Variants in OXSR1 observed in about 807,000 individuals in gnomAD.
OXSR1 encodes oxidative stress responsive kinase 1, also known as serine/threonine-protein kinase OSR1.
Under a neutral mutation model 79.8 loss-of-function variants are expected in OXSR1, and 24 were observed. The observed-to-expected ratio is 0.30, with a 90% CI of 0.22 to 0.42. The LOEUF (loss-of-function observed/expected upper bound fraction) is 0.42. Ranked by LOEUF, OXSR1 falls within the 10% of genes least tolerant of loss-of-function variation. The pLI is 1.00. For synonymous variants in OXSR1, 226 were observed against 209.2 expected (o/e 1.08, Z -0.69); for missense variants, 430 against 618.4 (o/e 0.70, Z 3.23).
chr3:38,218,743 G>A (rs1237772482), intron 5 of OXSR1, among the ~76,000 whole-genome samples: 7 of 151,982 alleles, frequency 4.6e-5, no homozygotes, highest in Non-Finnish European at 1.0e-4. Context: ...CATTGCTAAC[G>A]CCAGTGTCAT....
chr3:38,207,443 G>A (rs1270234382), intron 4 of OXSR1, among the ~76,000 whole-genome samples: 5 of 152,092 alleles, frequency 3.3e-5, no homozygotes, highest in Admixed American at 6.6e-5. Flanking sequence ...ACATTTCAGC[G>A]GAAGGAAGGA....
Position 38,246,237 on chromosome 3 carries a change from T to C in OXSR1, c.1257+16T>C, listed in dbSNP as rs776526677. ...AACAGCTCAGGTAAAGCCGGGGATA[T>C]GGTTTCATGGTCACTCCTTTGGATA... On this transcript the variant is annotated intron_variant, in intron 13 of 17. Transcript: ENST00000311806. The C allele has an allele frequency of 8.1e-6, 13 of 1,613,148 alleles. No individual in the cohort carries two copies. The highest frequency in any genetic ancestry group is 5.0e-5 in the Admixed American group (3 of 59,930).
intron 1 of OXSR1, among the ~76,000 whole-genome samples, chr3:38,179,226 C>T (rs1428926444): frequency 6.6e-6 from 1 of 151,980 alleles, no homozygotes; most frequent in African/African-American, 2.4e-5. Context: ...GACGGAGTCC[C>T]ACTATATTGC....
intron 2 of OXSR1, among the ~76,000 whole-genome samples, chr3:38,184,516 A>G (rs1431844320): frequency 3.3e-5 from 5 of 152,246 alleles, no homozygotes; most frequent in East Asian, 1.9e-4. Flanking sequence ...ATGTTAACCT[A>G]CATATTAAGA....
intron 1 of OXSR1, among the ~76,000 whole-genome samples, chr3:38,180,860 A>G (rs1701771474): frequency 6.6e-6 from 1 of 151,872 alleles, no homozygotes; most frequent in Non-Finnish European, 1.5e-5. Flanking sequence ...CCATTGTCTC[A>G]TCTCCTCTGA....
intron 2 of OXSR1, among the ~76,000 whole-genome samples, chr3:38,185,127 A>G (rs1405539313): frequency 2.6e-5 from 4 of 151,436 alleles, no homozygotes; most frequent in African/African-American, 9.7e-5. Flanking sequence ...ATCTCTGAAA[A>G]AAAAATTGAA....
chr3:38,203,980 G>A (rs1702219126), intron 4 of OXSR1, among the ~76,000 whole-genome samples: 1 of 152,172 alleles, frequency 6.6e-6, no homozygotes, highest in Non-Finnish European at 1.5e-5. Flanking sequence ...GCCAGGGCCT[G>A]GAGTCGGAAA....
chr3:38,238,760 A>G (rs1702969598), intron 11 of OXSR1, among the ~76,000 whole-genome samples: 1 of 151,940 alleles, frequency 6.6e-6, no homozygotes, highest in Non-Finnish European at 1.5e-5. Context: ...TGGTTTTGGA[A>G]AATTTGATTG....
At chr3:38,252,698 T>C in intron 17 of OXSR1, 119 bp from the exon 18 acceptor site, 1 of 755,472 alleles carries the variant, frequency 1.3e-6, no homozygotes, top group Admixed American at 2.1e-5. Context: ...AGTCTCCTAT[T>C]TGTATCCTAG....
chr3:38,190,639 A>G, intron 2 of OXSR1, 92 bp from the exon 3 acceptor site: 1 of 718,940 alleles, frequency 1.4e-6, no homozygotes, highest in Non-Finnish European at 2.4e-6. Flanking sequence ...GGTGTGACAC[A>G]GTCTTGAGAT....
intron 1 of OXSR1, among the ~76,000 whole-genome samples, chr3:38,175,860 A>T (rs1053391579): frequency 1.3e-5 from 2 of 152,172 alleles, no homozygotes; most frequent in African/African-American, 4.8e-5. Flanking sequence ...AGGATGTAGG[A>T]TGGGGCATTG....
At chr3:38,170,762 G>A (rs2125799729) in intron 1 of OXSR1, among the ~76,000 whole-genome samples, 1 of 152,242 alleles carries the variant, frequency 6.6e-6, no homozygotes, top group Non-Finnish European at 1.5e-5. Flanking sequence ...GGGGGTCATT[G>A]TCTCACAGAT....
At chr3:38,200,313 G>A (rs1359115025) in intron 4 of OXSR1, among the ~76,000 whole-genome samples, 1 of 152,114 alleles carries the variant, frequency 6.6e-6, no homozygotes, top group East Asian at 1.9e-4. Context: ...TGGGTTTCAG[G>A]GCTGTGTAAT....
intron 15 of OXSR1, 64 bp from the exon 16 acceptor site, chr3:38,251,339 C>A: frequency 1.5e-6 from 2 of 1,305,776 alleles, no homozygotes; most frequent in Non-Finnish European, 2.2e-6. Flanking sequence ...CCCACATGAG[C>A]TGTGAGAGTT....
rs371046277 is a variant in OXSR1 at position 38,249,962 on chromosome 3, A to G, written c.1323-4A>G. 19 of 1,548,236 alleles carry G rather than the reference A, an allele frequency of 1.2e-5. No homozygotes were observed. In the African/African-American group the frequency reaches 1.8e-4, roughly 14 times the overall value. On this transcript the variant is annotated splice_polypyrimidine_tract_variant and splice_region_variant and intron_variant, in intron 14 of 17. Transcript: ENST00000311806. ...TATTTTATGCATTCTGCTTTCTTTCATAGGAATTCCAAAAAAGAACTAAAT... is the reference window on the plus strand; with the variant it reads ...TATTTTATGCATTCTGCTTTCTTTCGTAGGAATTCCAAAAAAGAACTAAAT...
intron 11 of OXSR1, among the ~76,000 whole-genome samples, chr3:38,239,031 T>A (rs1462071856): frequency 2.6e-5 from 4 of 152,168 alleles, no homozygotes; most frequent in Admixed American, 2.0e-4. Flanking sequence ...TCAAGTTTAT[T>A]TATCTTCTGC....
intron 2 of OXSR1, among the ~76,000 whole-genome samples, chr3:38,184,898 C>G (rs1477343842): frequency 2.6e-5 from 1 of 38,566 alleles, no homozygotes; most frequent in Non-Finnish European, 5.5e-5. Context: ...GTAGAAAGAA[C>G]ATTTCTTTTT....
rs911684098 is a variant in OXSR1, at chr3:38,199,467, G to A, written c.434+604G>A. Among the ~76,000 whole-genome samples the A allele has an allele frequency of 3.3e-5, 5 of 151,974 alleles. No homozygotes were observed. In the East Asian group the frequency reaches 7.7e-4, roughly 24 times the overall value. On this transcript the variant is annotated intron_variant, in intron 4 of 17. Transcript: ENST00000311806. ...GTCCTTGAACTCCTGGCCTCAAAGC[G>A]ATCTTCCTGCCATGGCCTTCTAAAG...
intron 3 of OXSR1, chr3:38,193,310 G>T: frequency 1.6e-6 from 2 of 1,289,694 alleles, no homozygotes. Flanking sequence ...GGATTGCTTT[G>T]TTAAAGGCCC....
Sources: allele counts gnomAD v4.1 joint callset (sites outside exome capture counted in the v4.1 genomes callset), GRCh38; gene constraint gnomAD v4.1.1; transcripts MANE v1.5; gene names NCBI Gene and HGNC (gene_info 2026-07-23, HGNC 2026-07-21).